The following DOCK5 variants were observed in gnomAD, a reference collection of about 807,000 sequenced individuals.
The protein encoded by DOCK5 is dedicator of cytokinesis 5, also known as dedicator of cytokinesis protein 5.
A neutral mutation model predicts 251.8 loss-of-function variants in DOCK5; 142 were observed. The observed-to-expected ratio is 0.56, with a 90% CI of 0.49 to 0.65. The LOEUF is 0.65. Among genes scored for constraint, DOCK5 ranks in the 30% least tolerant of loss-of-function variants. The pLI is 0.00. For synonymous variants in DOCK5, 842 were observed against 835.5 expected, an observed-to-expected ratio of 1.01 and a Z score of -0.13; for missense variants, 2,111 against 2,312.3, an observed-to-expected ratio of 0.91 and a Z score of 1.79.
intron 13 of DOCK5, among the ~76,000 whole-genome samples, chr8:25,314,178 A>G (rs1805175360): frequency 7.3e-6 from 1 of 136,056 alleles, no homozygotes; most frequent in Admixed American, 8.2e-5. Flanking sequence ...TTGTGTGATG[A>G]TAGCTCACTG....
At chr8:25,354,473 C>T (rs780228027) in intron 27 of DOCK5, among the ~76,000 whole-genome samples, 2 of 152,156 alleles carry the variant, frequency 1.3e-5, no homozygotes, top group African/African-American at 2.4e-5. Context: ...TCAAGGACAT[C>T]AGCTCCATAT....
chr8:25,410,219 T>C lies in DOCK5; in HGVS notation c.5508+17T>C. ...TCCACTGAGGTAGGGAAATCACAGC[T>C]GGCAACTGTGGCCAGGGAGCGCCAC... On this transcript the variant is annotated intron_variant, in intron 51 of 51. Coordinates refer to ENST00000276440, the MANE Select transcript of DOCK5 (RefSeq NM_024940.8). 1.2e-6 allele frequency: 2 copies of C among 1,607,560 alleles called. No individual in the cohort carries two copies. The highest frequency in any genetic ancestry group is 1.7e-6 in the Non-Finnish European group (2 of 1,175,038).
chr8:25,211,965 A>G lies in DOCK5; in HGVS notation c.43+27014A>G, dbSNP rs1320615382. ...CACAAGGTCAGGAGATCGACACCAT[A>G]TTGGCTAACACGGTGAATCCCTGTC... is the stretch of plus-strand genomic sequence containing the variant. On this transcript the variant is annotated intron_variant, in intron 1 of 51. Coordinates refer to ENST00000276440, the MANE Select transcript of DOCK5 (RefSeq NM_024940.8). 4.4e-5 allele frequency among the ~76,000 whole-genome samples: 3 copies of G among 68,690 alleles called. 1 individual carries two copies. The highest frequency in any genetic ancestry group is 3.3e-4 in the Admixed American group (2 of 6,034). The allele number at this position is 68,690 out of a possible 152,430, so 45.1% of individuals were successfully genotyped here. A position where few individuals can be genotyped will look rare whatever the true frequency, so the allele number is the denominator to read the frequency against.
intron 5 of DOCK5, among the ~76,000 whole-genome samples, chr8:25,282,789 GC>G (rs1222514421): frequency 2.9e-5 from 4 of 137,958 alleles, no homozygotes. Flanking sequence ...GGTTGAAGCT[GC>G]AGTGAGCCAT....
chr8:25,308,766 T>C lies in DOCK5; in HGVS notation c.1050-17T>C. ...TTTCTCCCCCTCCCACCTTACCTCT[T>C]ATTTCTCTTTCCCAAGAATTGCGAT... On this transcript the variant is annotated splice_polypyrimidine_tract_variant and intron_variant, in intron 11 of 51. Transcript: ENST00000276440. The C allele has an allele frequency of 6.2e-7, 1 of 1,613,186 alleles. No homozygotes were observed. The highest frequency in any genetic ancestry group is 8.5e-7 in the Non-Finnish European group (1 of 1,179,238).
chr8:25,296,675 G>A, intron 7 of DOCK5, 27 bp downstream of exon 7: 1 of 1,606,742 alleles, frequency 6.2e-7, no homozygotes, highest in Non-Finnish European at 8.5e-7. Context: ...GTGAAATTCT[G>A]CCCACTGAGG....
At chr8:25,274,410 TCTC>T (rs1399793060) in intron 3 of DOCK5, among the ~76,000 whole-genome samples, 4 of 152,112 alleles carry the variant, frequency 2.6e-5, no homozygotes, top group African/African-American at 9.7e-5. Flanking sequence ...CCGGATGACA[TCTC>T]CTCTGTGTGT....
chr8:25,331,388 G>T (rs893702779), intron 18 of DOCK5, among the ~76,000 whole-genome samples: 3 of 152,114 alleles, frequency 2.0e-5, no homozygotes, highest in African/African-American at 7.2e-5. Context: ...GATTACAGGT[G>T]TTAGCCACTG....
intron 2 of DOCK5, 69 bp downstream of exon 2, chr8:25,243,826 C>T (rs1803024576): frequency 2.8e-6 from 4 of 1,433,116 alleles, no homozygotes; most frequent in South Asian, 1.2e-5. Context: ...ATTAAAAAGG[C>T]ACTTAGAGTA....
chr8:25,271,873 A>G (rs567987447), intron 3 of DOCK5, among the ~76,000 whole-genome samples: 31 of 152,320 alleles, frequency 2.0e-4, no homozygotes, highest in African/African-American at 7.5e-4. Flanking sequence ...TATAAGCATC[A>G]GATTTGCCAG....
intron 28 of DOCK5, among the ~76,000 whole-genome samples, chr8:25,362,052 G>A (rs774594385): frequency 4.6e-5 from 7 of 152,144 alleles, no homozygotes; most frequent in African/African-American, 7.2e-5. Context: ...TTTGCTCACA[G>A]CCCCCTTTGG....
At chr8:25,409,037 A>G in intron 50 of DOCK5, 97 bp downstream of exon 50, 2 of 1,537,112 alleles carry the variant, frequency 1.3e-6, no homozygotes, top group South Asian at 1.1e-5. Flanking sequence ...GAATGTATGT[A>G]AGACCATTGT....
chr8:25,404,631 G>C (rs777298594), intron 48 of DOCK5, among the ~76,000 whole-genome samples: 14 of 151,960 alleles, frequency 9.2e-5, no homozygotes, highest in Non-Finnish European at 2.1e-4. Flanking sequence ...GCTTACTGGT[G>C]GTTATTCAGT....
At chr8:25,318,517 CT>C (rs1180312632) in intron 14 of DOCK5, among the ~76,000 whole-genome samples, 30 of 141,444 alleles carry the variant, frequency 2.1e-4, no homozygotes, top group African/African-American at 7.6e-4. Context: ...CCCACTTCCC[CT>C]CCCCTCCCTT....
chr8:25,330,806 C>T (rs1233264702), intron 18 of DOCK5, among the ~76,000 whole-genome samples: 2 of 151,944 alleles, frequency 1.3e-5, no homozygotes, highest in Non-Finnish European at 2.9e-5. Flanking sequence ...CTTGTAATCC[C>T]TTTGGGAGGG....
intron 34 of DOCK5, 83 bp from the exon 35 acceptor site, chr8:25,372,476 C>T: frequency 7.1e-7 from 1 of 1,410,528 alleles, no homozygotes; most frequent in African/African-American, 1.5e-5. Flanking sequence ...CCAGCCACTG[C>T]TGAGACCCTG....
intron 9 of DOCK5, among the ~76,000 whole-genome samples, chr8:25,301,097 G>A (rs368490472): frequency 9.3e-5 from 14 of 151,298 alleles, no homozygotes; most frequent in African/African-American, 2.9e-4. Flanking sequence ...CTGGCAATTC[G>A]GATATGCCAA....
At chr8:25,397,578 C>T (rs1028429238) in intron 45 of DOCK5, among the ~76,000 whole-genome samples, 1 of 152,210 alleles carries the variant, frequency 6.6e-6, no homozygotes. Context: ...TCCAGTGTTA[C>T]AATGGCAGTC....
chr8:25,408,006 A>C lies in DOCK5; in HGVS notation c.5117A>C (p.Glu1706Ala). 4 of 1,612,626 alleles carry C rather than the reference A, an allele frequency of 2.5e-6. No individual in the cohort carries two copies. The highest frequency in any genetic ancestry group is 1.3e-5 in the African/African-American group (1 of 74,944). The change falls in exon 49 of 52, where the codon GAG (glutamate) becomes GCG (alanine). Residue 1706 changes from glutamate (E) to alanine (A), a missense_variant. Glu to Ala is a moderately radical substitution (Grantham distance 107, BLOSUM62 -1). Around this residue, in one of 3 missense-constraint regions of DOCK5, gnomAD observed 1,717 missense variants for 1,892.4 expected, o/e 0.91. Transcript: ENST00000276440. ...SDGSILEPLL[E>A]RRASSGARVE... ...AGCTCAATCTTGGAGCCACTTTTGGAGCGCAGGGCCTCGTCAGGTGCCAGA... is the reference window on the plus strand; with the variant it reads ...AGCTCAATCTTGGAGCCACTTTTGGCGCGCAGGGCCTCGTCAGGTGCCAGA...
Sources: gnomAD v4.1 joint callset for allele counts (sites outside exome capture counted in the v4.1 genomes callset) on GRCh38, gnomAD v4.1.1 for gene constraint, gnomAD v4.1.1 regional missense constraint, MANE v1.5 for transcripts, NCBI Gene and HGNC (gene_info 2026-07-23, HGNC 2026-07-21) for gene names.